Variants in LRP1B observed in about 807,000 individuals in gnomAD.
LRP1B encodes low-density lipoprotein receptor-related protein 1B.
LRP1B carries 217 observed loss-of-function variants against 556.6 expected under a neutral mutation model. The observed-to-expected ratio is 0.39, with a 90% CI of 0.35 to 0.44. LRP1B has a LOEUF of 0.44. Among genes scored for constraint, LRP1B ranks in the 20% least tolerant of loss-of-function variants. The pLI is 1.00. For missense variants in LRP1B, 5,053 were observed against 5,620.8 expected (o/e 0.90, Z 3.23); for synonymous variants, 2,047 against 1,865.8 (o/e 1.10, Z -2.50).
intron 6 of LRP1B, among the ~76,000 whole-genome samples, chr2:141,195,678 A>T (rs1681720302): frequency 6.6e-6 from 1 of 152,074 alleles, no homozygotes; most frequent in Non-Finnish European, 1.5e-5. Flanking sequence ...ATAATCCGTA[A>T]ATGCTCATAA....
chr2:141,461,364 G>A (rs1398799278), intron 3 of LRP1B, among the ~76,000 whole-genome samples: 1 of 152,112 alleles, frequency 6.6e-6, no homozygotes, highest in Non-Finnish European at 1.5e-5. Context: ...ACTTGACAAG[G>A]CGGCTTCAGT....
intron 2 of LRP1B, among the ~76,000 whole-genome samples, chr2:141,592,780 T>C (rs6729244): frequency 0.95 from 144,452 of 152,224 alleles, 69,020 homozygotes; most frequent in East Asian, 1. Flanking sequence ...TTCTAGGTTT[T>C]ACTCACATAA....
chr2:141,148,627 C>T (rs558171213), intron 7 of LRP1B, among the ~76,000 whole-genome samples: 14 of 152,112 alleles, frequency 9.2e-5, no homozygotes, highest in South Asian at 8.3e-4. Flanking sequence ...GTATTCATGA[C>T]GATAAAGAGG....
chr2:141,483,739 T>C (rs1301255685), intron 2 of LRP1B, among the ~76,000 whole-genome samples: 2 of 152,004 alleles, frequency 1.3e-5, no homozygotes, highest in Non-Finnish European at 2.9e-5. Flanking sequence ...TTTCATGTGT[T>C]TTTTGGCTGC....
intron 2 of LRP1B, among the ~76,000 whole-genome samples, chr2:141,719,944 A>C (rs558688492): frequency 3.0e-4 from 46 of 152,260 alleles, no homozygotes; most frequent in African/African-American, 1.1e-3. Flanking sequence ...AATCCTCAGC[A>C]TCATGAAATA....
chr2:140,671,921 A>T (rs1685499714), intron 41 of LRP1B, among the ~76,000 whole-genome samples: 1 of 152,144 alleles, frequency 6.6e-6, no homozygotes, highest in Non-Finnish European at 1.5e-5. Flanking sequence ...TATATTCCAT[A>T]CCAAGGTCCT....
At chr2:141,937,128 G>C (rs551834401) in intron 1 of LRP1B, among the ~76,000 whole-genome samples, 1 of 152,024 alleles carries the variant, frequency 6.6e-6, no homozygotes, top group Non-Finnish European at 1.5e-5. Flanking sequence ...GGTGGCTCAC[G>C]CTTGTAATCC....
At chr2:141,863,171 T>A (rs542864355) in intron 1 of LRP1B, among the ~76,000 whole-genome samples, 1 of 152,304 alleles carries the variant, frequency 6.6e-6, no homozygotes, top group East Asian at 1.9e-4. Flanking sequence ...TAAACTTCTA[T>A]AGCACCAAAC....
intron 1 of LRP1B, among the ~76,000 whole-genome samples, chr2:141,837,397 C>G (rs202188358): frequency 6.6e-6 from 1 of 151,930 alleles, no homozygotes. Context: ...TTCTTATCCT[C>G]GAACTCATTC....
At chr2:140,504,006 C>T (rs934097417) in intron 53 of LRP1B, among the ~76,000 whole-genome samples, 1 of 152,024 alleles carries the variant, frequency 6.6e-6, no homozygotes, top group Non-Finnish European at 1.5e-5. Flanking sequence ...CTCTCTCCTC[C>T]TTCATTAGTT....
chr2:140,336,076 T>A (rs1219408173), intron 77 of LRP1B, among the ~76,000 whole-genome samples: 3 of 152,026 alleles, frequency 2.0e-5, no homozygotes, highest in Non-Finnish European at 4.4e-5. Context: ...TAACCATTAC[T>A]CTGCTGAAAT....
intron 49 of LRP1B, among the ~76,000 whole-genome samples, chr2:140,523,845 G>A (rs1690296246): frequency 6.6e-6 from 1 of 151,880 alleles, no homozygotes; most frequent in Admixed American, 6.6e-5. Context: ...AGACTTAAAT[G>A]TATGATCTCA....
intron 31 of LRP1B, among the ~76,000 whole-genome samples, chr2:140,825,333 T>C (rs764584677): frequency 2.0e-5 from 3 of 152,192 alleles, no homozygotes; most frequent in Non-Finnish European, 2.9e-5. Context: ...TCGGTCACAC[T>C]GCACTTCCTT....
At chr2:140,757,992 A>G (rs1364790098) in intron 35 of LRP1B, among the ~76,000 whole-genome samples, 2 of 152,224 alleles carry the variant, frequency 1.3e-5, no homozygotes, top group Admixed American at 6.5e-5. Flanking sequence ...AAAATTCTAC[A>G]ATTGTATATT....
In LRP1B at chr2:140,656,101, C is replaced by G. The variant is rs569369; in HGVS notation, c.6799+44149G>C. On this transcript the variant is annotated intron_variant, in intron 41 of 90. Transcript: ENST00000389484. ...CTAAGATAAGTCCATCTATGTCAGACCACAAATAGAGAATTAATCATGTTT... is the reference window on the plus strand; with the variant it reads ...CTAAGATAAGTCCATCTATGTCAGAGCACAAATAGAGAATTAATCATGTTT... Among the ~76,000 whole-genome samples, 801 of 152,260 alleles carry G rather than the reference C, an allele frequency of 5.3e-3. 6 individuals are homozygous for G. The highest frequency in any genetic ancestry group is 0.018 in the African/African-American group (765 of 41,546).
At chr2:141,371,196 T>G (rs1405304364) in intron 3 of LRP1B, among the ~76,000 whole-genome samples, 1 of 152,164 alleles carries the variant, frequency 6.6e-6, no homozygotes, top group Non-Finnish European at 1.5e-5. Flanking sequence ...GCCAGGCTGG[T>G]CCTGAACTTA....
chr2:140,606,144 AT>A, intron 41 of LRP1B, among the ~76,000 whole-genome samples: 1 of 152,210 alleles, frequency 6.6e-6, no homozygotes, highest in South Asian at 2.1e-4. Context: ...ATCTTAAATA[AT>A]TTAATAGAAA....
intron 21 of LRP1B, among the ~76,000 whole-genome samples, chr2:140,912,483 G>GT (rs946776292): frequency 6.6e-6 from 1 of 151,500 alleles, no homozygotes; most frequent in African/African-American, 2.4e-5. Flanking sequence ...TTAAAATAAA[G>GT]TTTTTTAAAT....
intron 1 of LRP1B, among the ~76,000 whole-genome samples, chr2:142,079,140 G>C (rs1705618496): frequency 6.6e-6 from 1 of 152,046 alleles, no homozygotes; most frequent in Non-Finnish European, 1.5e-5. Flanking sequence ...AGATGATATA[G>C]CCCTGAAAAT....
Sources: allele counts gnomAD v4.1 joint callset (sites outside exome capture counted in the v4.1 genomes callset), GRCh38; gene constraint gnomAD v4.1.1; transcripts MANE v1.5; gene names NCBI Gene and HGNC (gene_info 2026-07-23, HGNC 2026-07-21).